Variants in UBR4 observed in about 807,000 individuals in gnomAD.
UBR4 encodes the protein E3 ubiquitin-protein ligase UBR4.
Under a neutral mutation model 575.6 loss-of-function variants are expected in UBR4, and 124 were observed. The ratio of observed to expected loss-of-function variants is 0.22; its 90% CI spans 0.19 to 0.25. The LOEUF (loss-of-function observed/expected upper bound fraction) is 0.25, where lower values mean the gene tolerates loss of function less well. Ranked by LOEUF, UBR4 falls within the 10% of genes least tolerant of loss-of-function variation. The pLI is 1.00. For synonymous variants in UBR4, 2,455 were observed against 2,473.7 expected (o/e 0.99, Z 0.22); for missense variants, 4,818 against 6,478.8 (o/e 0.74, Z 8.80).
Position 19,100,561 on chromosome 1 carries a change from C to T in UBR4, c.13036G>A (p.Val4346Ile). The part of the protein sequence containing the change: ...CSIIYPEENE[V>I]TEFFVTLEKD... ...TCCAGGGTCACAAAGAACTCAGTGA[C>T]TTCATTCTCCTCCTGGAGGACAGAC... Residue 4346 changes from valine (V) to isoleucine (I), a missense_variant, in exon 89 of 106, where the codon GTC (valine) becomes ATC (isoleucine). Val to Ile is a conservative substitution (Grantham distance 29, BLOSUM62 3). Around this residue, in one of 29 missense-constraint regions of UBR4, gnomAD observed 105 missense variants for 232.8 expected, o/e 0.45. Coordinates refer to ENST00000375254, the MANE Select transcript of UBR4 (RefSeq NM_020765.3). This position sits in a 1 kb window ranked among gnomAD's most constrained non-coding sequence, Gnocchi z 4.2. 1 of 1,613,990 alleles carries T rather than the reference C, an allele frequency of 6.2e-7. No homozygotes were observed. The highest frequency in any genetic ancestry group is 1.1e-5 in the South Asian group (1 of 91,078).
At position 19,183,794 on chromosome 1, in the gene UBR4, T is replaced by C; in HGVS notation, c.2184+17A>G. The C allele has an allele frequency of 6.2e-7, 1 of 1,613,330 alleles. No individual in the cohort carries two copies. The highest frequency in any genetic ancestry group is 8.5e-7 in the Non-Finnish European group (1 of 1,179,406). ...GTGTCATGAGCTCTTGCCTAGATGG[T>C]CACAGCACACACAAACCTGCAGGTT... On this transcript the variant is annotated intron_variant, in intron 17 of 105. Transcript: ENST00000375254.
chr1:19,187,320 A>G lies in UBR4; in HGVS notation c.1495-19T>C. 2 of 1,611,198 alleles carry G rather than the reference A, an allele frequency of 1.2e-6. No homozygotes were observed. Among genetic ancestry groups the G allele is most frequent in the Non-Finnish European group, 1.7e-6 (2 of 1,177,776 alleles). ...CCCAACCCTGAAGGCAATGATATCA[A>G]AGGGCAATTAATGATACTACTCAGC... On this transcript the variant is annotated intron_variant, in intron 12 of 105. Transcript: ENST00000375254.
At chr1:19,142,747 T>C (rs748243462) in intron 55 of UBR4, among the ~76,000 whole-genome samples, 18 of 152,336 alleles carry the variant, frequency 1.2e-4, no homozygotes, top group Non-Finnish European at 2.6e-4. Flanking sequence ...TGACAAGATG[T>C]AGATATAATA....
intron 53 of UBR4, 132 bp downstream of exon 53, chr1:19,145,661 A>G: frequency 8.4e-7 from 1 of 1,192,802 alleles, no homozygotes; most frequent in Non-Finnish European, 1.2e-6. Flanking sequence ...GCAGACTTCT[A>G]CTTCCCAATT....
At position 19,157,762 on chromosome 1, in the gene UBR4, A is replaced by G. The variant is rs1445824962; in HGVS notation, c.5760+53T>C. The G allele has an allele frequency of 1.9e-6, 3 of 1,577,754 alleles. No homozygotes were observed. Among genetic ancestry groups the G allele is most frequent in the African/African-American group, 2.7e-5 (2 of 73,998 alleles). On this transcript the variant is annotated intron_variant, in intron 40 of 105. Coordinates refer to ENST00000375254, the MANE Select transcript of UBR4 (RefSeq NM_020765.3). This position sits in a 1 kb window ranked among gnomAD's most constrained non-coding sequence, Gnocchi z 4.4. ...ATGTGGTCATCAATTTGTTTTGCTTAGCATTTAAGACAATATGACCTAAAG... is the reference window on the plus strand; with the variant it reads ...ATGTGGTCATCAATTTGTTTTGCTTGGCATTTAAGACAATATGACCTAAAG...
At chr1:19,076,595 T>C (rs1231165299) in intron 105 of UBR4, 145 bp downstream of exon 105, 7 of 1,112,368 alleles carry the variant, frequency 6.3e-6, no homozygotes, top group Non-Finnish European at 9.2e-6. Context: ...TTTACGCATC[T>C]TTCCCAGGGC....
At chr1:19,123,840 T>C (rs6696220) in intron 65 of UBR4, among the ~76,000 whole-genome samples, 26,780 of 152,214 alleles carry the variant, frequency 0.18, 2,500 homozygotes, top group African/African-American at 0.23. Flanking sequence ...TTACTAAGGT[T>C]ATTAAAGCCA....
Position 19,177,502 on chromosome 1 carries a change from G to C in UBR4, c.2596C>G (p.Leu866Val). ...ACAGGGGCTTTGGAGTACTGATGAA[G>C]CAGATAATCAAAGATGAGAAGGAGG... Reference protein sequence around the residue: ...ARLLLIFDYLLHQYSKAPVYL... With the variant: ...ARLLLIFDYLVHQYSKAPVYL... Residue 866 changes from leucine to valine, a missense_variant, in exon 19 of 106, where the codon CTT (leucine) becomes GTT (valine). By Grantham distance (32) the Leu-to-Val change is conservative. This residue lies in a region of UBR4 where 1,172 missense variants were observed against 1,259.7 expected (regional missense o/e 0.93). Coordinates refer to ENST00000375254, the MANE Select transcript of UBR4 (RefSeq NM_020765.3). 1 of 1,614,162 alleles carries C rather than the reference G, an allele frequency of 6.2e-7. No individual in the cohort carries two copies.
chr1:19,149,583 C>T (rs940916541), intron 49 of UBR4, among the ~76,000 whole-genome samples: 2 of 152,074 alleles, frequency 1.3e-5, no homozygotes, highest in Non-Finnish European at 2.9e-5. Context: ...AGTGCACTTA[C>T]GATCTTCCAT....
Position 19,197,993 on chromosome 1 carries a change from G to C in UBR4, c.705C>G (p.Thr235=). ...CGTTCTGAGCTATGAACACATTCTTGGTTTTGATAGCTGAGGCTTGATCTG... is the reference window on the plus strand; with the variant it reads ...CGTTCTGAGCTATGAACACATTCTTCGTTTTGATAGCTGAGGCTTGATCTG... The part of the protein sequence containing the change: ...SSTDQASAIK[T]KNVFIAQNVA... Residue 235 remains threonine (T), a synonymous_variant, in exon 6 of 106, where the codon ACC becomes ACG. Transcript: ENST00000375254. 1 of 1,614,094 alleles carries C rather than the reference G, an allele frequency of 6.2e-7. No individual in the cohort carries two copies. The highest frequency in any genetic ancestry group is 8.5e-7 in the Non-Finnish European group (1 of 1,180,034).
chr1:19,102,486 A>G (rs991191479), intron 87 of UBR4, among the ~76,000 whole-genome samples: 12 of 150,246 alleles, frequency 8.0e-5, no homozygotes, highest in Non-Finnish European at 1.5e-4. Flanking sequence ...GGCATCAGAA[A>G]GAGTTCCATT....
At chr1:19,087,115 T>C (rs934069020) in intron 99 of UBR4, among the ~76,000 whole-genome samples, 1 of 152,264 alleles carries the variant, frequency 6.6e-6, no homozygotes, top group African/African-American at 2.4e-5. Flanking sequence ...CTTTACTTTG[T>C]GCTTCATCTG....
intron 87 of UBR4, 88 bp from the exon 88 acceptor site, chr1:19,101,729 A>T: frequency 2.0e-6 from 3 of 1,535,894 alleles, no homozygotes; most frequent in Non-Finnish European, 2.7e-6. Context: ...CATCACTGAC[A>T]AATTATTTCT....
intron 64 of UBR4, 61 bp from the exon 65 acceptor site, chr1:19,124,751 G>A: frequency 6.3e-7 from 1 of 1,579,792 alleles, no homozygotes; most frequent in Admixed American, 1.8e-5. Flanking sequence ...CCACAATTAG[G>A]AAAAAGCCTG....
intron 105 of UBR4, chr1:19,075,480 T>G (rs2075837314): frequency 6.1e-6 from 1 of 163,258 alleles, no homozygotes. Flanking sequence ...ACGCGAGGCA[T>G]GTGCTAAGGT....
At chr1:19,148,891 G>GT (rs1379413969) in intron 49 of UBR4, among the ~76,000 whole-genome samples, 1 of 152,182 alleles carries the variant, frequency 6.6e-6, no homozygotes, top group Non-Finnish European at 1.5e-5. Context: ...TCCTCAAAGA[G>GT]GATAAATGTG....
chr1:19,202,464 G>C (rs2092788278), intron 1 of UBR4, among the ~76,000 whole-genome samples: 1 of 152,106 alleles, frequency 6.6e-6, no homozygotes, highest in South Asian at 2.1e-4. Flanking sequence ...ACAGACTAAA[G>C]TAACCAATTT....
chr1:19,204,535 A>T (rs7517930), intron 1 of UBR4, among the ~76,000 whole-genome samples: 16,521 of 150,088 alleles, frequency 0.11, 1,261 homozygotes, highest in African/African-American at 0.22. Context: ...TATAAAAAAA[A>T]ATATATATAT....
Position 19,154,976 on chromosome 1 carries a change from C to A in UBR4, c.6400G>T (p.Ala2134Ser), listed in dbSNP as rs147103903. The change falls in exon 44 of 106, where the codon GCC becomes TCC. Residue 2134 changes from alanine (A) to serine (S), a missense_variant. Coordinates refer to ENST00000375254, the MANE Select transcript of UBR4 (RefSeq NM_020765.3). ...TCCAGGGTTGTCCTGCTGATGGTGG[C>A]TGCGAATGATTTGCCTTGACAATAG... Reference protein sequence around the residue: ...FSYCQGKSFAATISRTTLEVL... With the variant: ...FSYCQGKSFASTISRTTLEVL... 12 of 1,614,038 alleles carry A rather than the reference C, an allele frequency of 7.4e-6. No individual in the cohort carries two copies. In the Admixed American group the frequency reaches 1.7e-4, roughly 22 times the overall value.
Sources: allele counts gnomAD v4.1 joint callset (sites outside exome capture counted in the v4.1 genomes callset), GRCh38; gene constraint gnomAD v4.1.1; regional missense constraint gnomAD v4.1.1; non-coding constraint Gnocchi (gnomAD v3.1); transcripts MANE v1.5; gene names NCBI Gene and HGNC (gene_info 2026-07-23, HGNC 2026-07-21).